CEP162: variants seen among roughly 807,000 people sequenced by gnomAD.
The protein encoded by CEP162 is centrosomal protein 162.
Under a neutral mutation model 169.2 loss-of-function variants are expected in CEP162, and 141 were observed. The observed-to-expected ratio is 0.83, with a 90% CI of 0.73 to 0.96. CEP162 has a LOEUF of 0.96. CEP162 is among the 40% of genes least tolerant of loss of function. The pLI, the probability that CEP162 is intolerant of heterozygous loss-of-function variation, is 0.00. For missense variants in CEP162, 1,600 were observed against 1,587.2 expected (o/e 1.01, Z -0.14); for synonymous variants, 540 against 526.4 (o/e 1.03, Z -0.35).
intron 6 of CEP162, among the ~76,000 whole-genome samples, chr6:84,208,709 C>G (rs1401569560): frequency 6.6e-6 from 1 of 152,140 alleles, no homozygotes; most frequent in Non-Finnish European, 1.5e-5. Flanking sequence ...TTAACTATGT[C>G]AATATTTGTA....
intron 18 of CEP162, among the ~76,000 whole-genome samples, chr6:84,166,899 A>G (rs2099528053): frequency 1.3e-5 from 2 of 152,240 alleles, no homozygotes; most frequent in South Asian, 2.1e-4. Flanking sequence ...AAAGTAAATG[A>G]AAATAAAGGT....
chr6:84,134,434 G>A (rs1025283567), intron 25 of CEP162, among the ~76,000 whole-genome samples: 1 of 152,162 alleles, frequency 6.6e-6, no homozygotes, highest in South Asian at 2.1e-4. Flanking sequence ...CTGCCCAAAC[G>A]GCCGCCCAGT....
At position 84,175,313 on chromosome 6, in the gene CEP162, T is replaced by G; in HGVS notation, c.1698A>C (p.Ala566=). 1.9e-6 allele frequency: 3 copies of G among 1,546,702 alleles called. No individual in the cohort carries two copies. The highest frequency in any genetic ancestry group is 2.6e-6 in the Non-Finnish European group (3 of 1,144,566). ...TTTTGTGAGCTGGTTTATCCAAAGC[T>G]GCAGGCTTGATGAGTTTTGTTCCAG... ...ILSGTKLIKP[A]ALDKPAHKTE... The change falls in exon 14 of 27, where the codon GCA becomes GCC. Residue 566 remains alanine (A), a synonymous_variant. Coordinates refer to ENST00000403245, the MANE Select transcript of CEP162 (RefSeq NM_014895.4).
intron 25 of CEP162, among the ~76,000 whole-genome samples, chr6:84,134,512 G>A (rs181138588): frequency 9.2e-5 from 14 of 152,296 alleles, no homozygotes; most frequent in African/African-American, 2.2e-4. Flanking sequence ...TGTGCATTGC[G>A]AAGACCTTGG....
chr6:84,130,711 T>C (rs2099510989), intron 25 of CEP162, among the ~76,000 whole-genome samples: 1 of 152,196 alleles, frequency 6.6e-6, no homozygotes, highest in Admixed American at 6.5e-5. Context: ...ATATCCCCTT[T>C]ATCATTTTTT....
chr6:84,152,564 A>G lies in CEP162; in HGVS notation c.3610T>C (p.Phe1204Leu). 2 of 1,497,828 alleles carry G rather than the reference A, an allele frequency of 1.3e-6. No homozygotes were observed. The highest frequency in any genetic ancestry group is 1.4e-5 in the African/African-American group (1 of 70,818). 92.8% of individuals were successfully genotyped at this position (1,497,828 alleles called of 1,614,324 possible). A position where few individuals can be genotyped will look rare whatever the true frequency, so the allele number is the denominator to read the frequency against. ...KMKSEAVMNQ[F>L]ENSMRRVKED... ...TTTTACCTTCTCATGGAGTTTTCAA[A>G]TTGATTCATCACTGCTTCAGATTTC... The change falls in exon 23 of 27, where the codon TTT becomes CTT. Residue 1204 changes from phenylalanine to leucine, a missense_variant. By Grantham distance (22) the Phe-to-Leu change is conservative (BLOSUM62 0). Transcript: ENST00000403245.
rs776262303 is a variant in CEP162 at position 84,214,234 on chromosome 6, G to C, written c.503+1048C>G. ...GTGGAGCTTGCAGTGAGCCAAGATC[G>C]TGCCACTGCACTCCAGCCTGGGCGA... On this transcript the variant is annotated intron_variant, in intron 5 of 26. Coordinates refer to ENST00000403245, the MANE Select transcript of CEP162 (RefSeq NM_014895.4). Among the ~76,000 whole-genome samples the C allele has an allele frequency of 2.1e-4, 32 of 152,158 alleles. 1 individual carries two copies. Among genetic ancestry groups the C allele is most frequent in the Admixed American group, 3.9e-4 (6 of 15,278 alleles).
At chr6:84,130,681 T>C (rs1449463059) in intron 25 of CEP162, among the ~76,000 whole-genome samples, 3 of 152,212 alleles carry the variant, frequency 2.0e-5, no homozygotes, top group African/African-American at 7.2e-5. Flanking sequence ...GTAGTGTGTA[T>C]TTCTGTGGGA....
intron 13 of CEP162, among the ~76,000 whole-genome samples, chr6:84,182,679 A>T (rs2099535424): frequency 2.6e-5 from 4 of 152,108 alleles, no homozygotes; most frequent in South Asian, 2.1e-4. Flanking sequence ...CAGGGTCCGG[A>T]GGCAGAGTAG....
intron 25 of CEP162, among the ~76,000 whole-genome samples, chr6:84,139,347 T>C (rs2099515539): frequency 6.6e-6 from 1 of 152,230 alleles, no homozygotes; most frequent in Non-Finnish European, 1.5e-5. Flanking sequence ...TTGTTGAAGA[T>C]GGTTTGTAAA....
intron 6 of CEP162, among the ~76,000 whole-genome samples, chr6:84,209,622 G>A (rs751284961): frequency 1.3e-5 from 2 of 152,062 alleles, no homozygotes; most frequent in African/African-American, 2.4e-5. Context: ...TGATCCACCC[G>A]CCTTGGCCTC....
chr6:84,127,047 A>G (rs1210923633), intron 25 of CEP162, among the ~76,000 whole-genome samples: 1 of 152,170 alleles, frequency 6.6e-6, no homozygotes, highest in Non-Finnish European at 1.5e-5. Flanking sequence ...TGAAGTACTG[A>G]GCCCTTTCTG....
chr6:84,207,098 C>T (rs1363052635), intron 6 of CEP162, among the ~76,000 whole-genome samples: 8 of 152,124 alleles, frequency 5.3e-5, no homozygotes, highest in Non-Finnish European at 7.3e-5. Context: ...TGTGGAGAAA[C>T]AGGAACGCTT....
At chr6:84,205,432 C>A (rs554958580) in intron 6 of CEP162, among the ~76,000 whole-genome samples, 3 of 152,262 alleles carry the variant, frequency 2.0e-5, no homozygotes, top group Non-Finnish European at 4.4e-5. Flanking sequence ...AATTAATAAA[C>A]ATAATCCAGC....
intron 8 of CEP162, 145 bp from the exon 9 acceptor site, chr6:84,201,050 G>A (rs988388367): frequency 7.4e-6 from 3 of 404,168 alleles, no homozygotes; most frequent in Admixed American, 3.4e-5. Context: ...AGGCCAAGGC[G>A]GGCAGATCAC....
Position 84,193,602 on chromosome 6 carries a change from T to G in CEP162, c.1109+7A>C. 6.6e-7 allele frequency: 1 copy of G among 1,518,558 alleles called. No homozygotes were observed. Among genetic ancestry groups the G allele is most frequent in the Non-Finnish European group, 8.9e-7 (1 of 1,121,466 alleles). 94.1% of individuals were successfully genotyped at this position (1,518,558 alleles called of 1,614,324 possible). On this transcript the variant is annotated splice_region_variant and intron_variant, in intron 11 of 26. Transcript: ENST00000403245. ...CAATGACAAAACAATAAATAAAAAA[T>G]TCATACCTGACAGGTTGTAAATCAA... is the stretch of plus-strand genomic sequence containing the variant.
At chr6:84,127,630 A>G (rs900529226) in intron 25 of CEP162, among the ~76,000 whole-genome samples, 1 of 152,224 alleles carries the variant, frequency 6.6e-6, no homozygotes, top group Non-Finnish European at 1.5e-5. Context: ...AGGCATAGTC[A>G]TACACAGAAT....
At position 84,171,665 on chromosome 6, in the gene CEP162, T is replaced by G. The variant is rs369884285; in HGVS notation, c.2220A>C (p.Lys740Asn). Residue 740 changes from lysine to asparagine, a missense_variant, in exon 17 of 27, where the codon AAA becomes AAC. Transcript: ENST00000403245. The stretch of plus-strand genomic sequence containing the variant: ...TTTCCTTAAACATTCGCTCCTCATT[T>G]TTCTTGTTTTGTTCTTGGAGATCTT... ...QVKDLQEQNK[K>N]NEERMFKENQ... is the part of the protein sequence containing the mutation. 2 of 1,554,708 alleles carry G rather than the reference T, an allele frequency of 1.3e-6. No individual in the cohort carries two copies. Among genetic ancestry groups the G allele is most frequent in the African/African-American group, 2.7e-5 (2 of 72,996 alleles).
chr6:84,211,452 G>T (rs990336198), intron 6 of CEP162, among the ~76,000 whole-genome samples: 1 of 150,492 alleles, frequency 6.6e-6, no homozygotes, highest in Admixed American at 6.6e-5. Context: ...GCATGAGCCC[G>T]GGAGGCGGAG....
Sources: gnomAD v4.1 joint callset for allele counts (sites outside exome capture counted in the v4.1 genomes callset) on GRCh38, gnomAD v4.1.1 for gene constraint, MANE v1.5 for transcripts, NCBI Gene and HGNC (gene_info 2026-07-23, HGNC 2026-07-21) for gene names.